Variants in EDA observed in about 807,000 individuals in gnomAD.
The protein encoded by EDA is ectodysplasin-A.
In EDA, 2 loss-of-function variants were observed where a neutral mutation model predicts 23.6. The ratio of observed to expected loss-of-function variants is 0.08; its 90% CI spans 0.03 to 0.27. The LOEUF (loss-of-function observed/expected upper bound fraction) is 0.27, where lower values mean the gene tolerates loss of function less well. EDA is among the 10% of genes least tolerant of loss of function. The pLI is 1.00. For synonymous variants in EDA, 131 were observed against 132.0 expected (o/e 0.99, Z 0.05); for missense variants, 229 against 324.2 (o/e 0.71, Z 2.26).
At chrX:69,891,822 T>C (rs1180022858) in intron 1 of EDA, among the ~76,000 whole-genome samples, 1 of 111,120 alleles carries the variant, frequency 9.0e-6, no homozygotes, top group East Asian at 2.8e-4. Flanking sequence ...CTGGGCTTCA[T>C]ACCTGGGTGA....
At chrX:69,961,769 T>G (rs749247183) in intron 2 of EDA, among the ~76,000 whole-genome samples, 1 of 112,448 alleles carries the variant, frequency 8.9e-6, no homozygotes, top group South Asian at 3.7e-4. Context: ...ATCGTTTAAG[T>G]TTATTCGTAC....
At chrX:69,637,757 G>A (rs756456893) in intron 1 of EDA, among the ~76,000 whole-genome samples, 1 of 111,349 alleles carries the variant, frequency 9.0e-6, no homozygotes, top group Admixed American at 9.6e-5. Flanking sequence ...GAACCTTATA[G>A]CAATAGTGCT....
intron 1 of EDA, among the ~76,000 whole-genome samples, chrX:69,750,652 G>T (rs1285612535): frequency 9.0e-6 from 1 of 111,212 alleles, no homozygotes; most frequent in Admixed American, 9.6e-5. Flanking sequence ...GTGTAAGAGT[G>T]TTCCTATTTC....
intron 1 of EDA, among the ~76,000 whole-genome samples, chrX:69,887,263 C>T (rs1243172593): frequency 9.0e-6 from 1 of 111,243 alleles, no homozygotes; most frequent in Non-Finnish European, 1.9e-5. Flanking sequence ...GCCATGATCG[C>T]ACCACTGCAC....
intron 1 of EDA, among the ~76,000 whole-genome samples, chrX:69,843,831 G>A: frequency 1.8e-5 from 2 of 110,471 alleles, no homozygotes; most frequent in Non-Finnish European, 3.8e-5. Context: ...GACCATCCTG[G>A]CTAACACGGT....
chrX:70,014,998 G>GGATATT (rs1343715843), intron 2 of EDA, among the ~76,000 whole-genome samples: 8 of 111,953 alleles, frequency 7.1e-5, no homozygotes, highest in Admixed American at 1.9e-4. Flanking sequence ...ACCTACTTGA[G>GGATATT]GATATTATCC....
chrX:69,850,259 T>C (rs1171051439), intron 1 of EDA, among the ~76,000 whole-genome samples: 2 of 112,295 alleles, frequency 1.8e-5, no homozygotes, highest in Non-Finnish European at 3.8e-5. Context: ...GAAGGACAGA[T>C]GACAGCATAC....
intron 1 of EDA, among the ~76,000 whole-genome samples, chrX:69,643,260 C>CT (rs913227691): frequency 5.5e-5 from 6 of 108,124 alleles, no homozygotes; most frequent in African/African-American, 1.0e-4. Context: ...ACTTAGAGTT[C>CT]TTTTTTTTTC....
chrX:69,619,985 T>A (rs1008400371), intron 1 of EDA, among the ~76,000 whole-genome samples: 13 of 111,923 alleles, frequency 1.2e-4, no homozygotes, highest in Non-Finnish European at 1.9e-4. Context: ...TAACAGCTGA[T>A]AAAAGTCCTC....
At chrX:69,733,799 C>T (rs1285677068) in intron 1 of EDA, among the ~76,000 whole-genome samples, 3 of 111,152 alleles carry the variant, frequency 2.7e-5, no homozygotes, top group Non-Finnish European at 5.7e-5. Context: ...TTGTCGTTCT[C>T]CTTGAAGAGG....
rs765215028 is a variant in EDA at position 70,035,514 on chromosome X, G to A, written c.1081G>A (p.Ala361Thr). 6.6e-6 allele frequency: 8 copies of A among 1,206,233 alleles called. No homozygotes were observed. The highest frequency in any genetic ancestry group is 5.4e-5 in the African/African-American group (3 of 55,989). ...CCTCCTCAAGGCCCGGCAGAAGATC[G>A]CCGTCAAGATGGTGCACGCTGACAT... ...VCLLKARQKIAVKMVHADISI... is the reference protein window; with the variant it reads ...VCLLKARQKITVKMVHADISI... Residue 361 changes from alanine to threonine, a missense_variant, in exon 8 of 8, where the codon GCC becomes ACC. Coordinates refer to ENST00000374552, the MANE Select transcript of EDA (RefSeq NM_001399.5).
chrX:69,948,806 G>A (rs1201501289), intron 1 of EDA, among the ~76,000 whole-genome samples: 1 of 112,255 alleles, frequency 8.9e-6, no homozygotes, highest in Non-Finnish European at 1.9e-5. Context: ...ACACCACCCT[G>A]AATGACCTTC....
chrX:69,706,990 A>G (rs983070300), intron 1 of EDA, among the ~76,000 whole-genome samples: 1 of 111,336 alleles, frequency 9.0e-6, no homozygotes, highest in Admixed American at 9.6e-5. Context: ...TTTGGTTTAC[A>G]GTAGGCAGAG....
chrX:69,838,815 TC>T (rs1303607267), intron 1 of EDA, among the ~76,000 whole-genome samples: 2 of 111,774 alleles, frequency 1.8e-5, no homozygotes, highest in Non-Finnish European at 3.8e-5. Context: ...TCATGTTTGT[TC>T]CTTAGGTGAT....
At chrX:69,749,044 C>T (rs994637365) in intron 1 of EDA, among the ~76,000 whole-genome samples, 2 of 94,331 alleles carry the variant, frequency 2.1e-5, no homozygotes, top group African/African-American at 7.7e-5. Flanking sequence ...CCCACTAACT[C>T]GTCATCTAGC....
At chrX:69,807,471 G>T (rs1426394519) in intron 1 of EDA, among the ~76,000 whole-genome samples, 1 of 98,956 alleles carries the variant, frequency 1.0e-5, no homozygotes, top group East Asian at 3.1e-4. Flanking sequence ...CCTCTATTGT[G>T]TCTCAAAAAC....
intron 4 of EDA, 44 bp downstream of exon 4, chrX:70,028,080 A>T: frequency 8.5e-6 from 10 of 1,182,727 alleles, no homozygotes; most frequent in Non-Finnish European, 1.1e-5. Context: ...CCTTTAAAGT[A>T]CTTTAGGAGA....
At chrX:69,968,282 G>T (rs902646401) in intron 2 of EDA, among the ~76,000 whole-genome samples, 1 of 112,021 alleles carries the variant, frequency 8.9e-6, no homozygotes, top group Non-Finnish European at 1.9e-5. Context: ...ATAATGGCTG[G>T]CACATACTAG....
intron 1 of EDA, among the ~76,000 whole-genome samples, chrX:69,766,310 A>C (rs978122380): frequency 6.3e-5 from 7 of 110,700 alleles, no homozygotes; most frequent in African/African-American, 2.0e-4. Context: ...TTTTAGGTTC[A>C]GGGTTACATA....
Sources: gnomAD v4.1 joint callset for allele counts (sites outside exome capture counted in the v4.1 genomes callset) on GRCh38, gnomAD v4.1.1 for gene constraint, MANE v1.5 for transcripts, NCBI Gene and HGNC (gene_info 2026-07-23, HGNC 2026-07-21) for gene names.